CLSTN1: variants seen among roughly 807,000 people sequenced by gnomAD.
CLSTN1 encodes the protein calsyntenin 1.
In CLSTN1, 28 loss-of-function variants were observed where a neutral mutation model predicts 108.3. The ratio of observed to expected loss-of-function variants is 0.26; its 90% CI spans 0.19 to 0.35. The LOEUF (loss-of-function observed/expected upper bound fraction) is 0.35. Ranked by LOEUF, CLSTN1 falls within the 10% of genes least tolerant of loss-of-function variation. The pLI is 1.00. For missense variants in CLSTN1, 1,157 were observed against 1,302.6 expected (o/e 0.89, Z 1.72); for synonymous variants, 524 against 534.9 (o/e 0.98, Z 0.28).
rs555700908 is a variant in CLSTN1 at position 9,744,629 on chromosome 1, T to C, written c.1000A>G (p.Thr334Ala). 5.0e-6 allele frequency: 8 copies of C among 1,610,626 alleles called. No homozygotes were observed. The East Asian group carries it at 1.6e-4, about 31-fold the overall frequency. ...LHRLCGAAAG[T>A]AELLPSPSGS... The stretch of plus-strand genomic sequence containing the variant: ...CTCGGGGATGGCAGCAGCTCGGCAG[T>C]GCCCGCGGCCGCACCTGAAGCCACA... Residue 334 changes from threonine to alanine, a missense_variant, in exon 8 of 19, where the codon ACT becomes GCT. Transcript: ENST00000377298.
intron 2 of CLSTN1, among the ~76,000 whole-genome samples, chr1:9,767,544 C>CA (rs764744601): frequency 0.22 from 23,300 of 107,584 alleles, 2,811 homozygotes; most frequent in African/African-American, 0.38. Flanking sequence ...GACTCCATCT[C>CA]AAAAAAAAAA....
At chr1:9,810,246 C>A (rs1654693414) in intron 1 of CLSTN1, among the ~76,000 whole-genome samples, 1 of 148,234 alleles carries the variant, frequency 6.7e-6, no homozygotes. Flanking sequence ...GAGGCCGAGG[C>A]AGGTGGATCA....
chr1:9,777,885 G>A (rs904810169), intron 1 of CLSTN1, among the ~76,000 whole-genome samples: 2 of 152,088 alleles, frequency 1.3e-5, no homozygotes, highest in Non-Finnish European at 2.9e-5. Flanking sequence ...GGGTTTCAGG[G>A]ACTCAGTATC....
chr1:9,764,106 A>AAGAGAG (rs772208381), intron 2 of CLSTN1, among the ~76,000 whole-genome samples: 18 of 120,818 alleles, frequency 1.5e-4, no homozygotes, highest in Middle Eastern at 7.5e-3. Context: ...GGGAGAAAGA[A>AAGAGAG]AGAGAGAGAG....
At chr1:9,752,984 G>C (rs753913131) in intron 4 of CLSTN1, among the ~76,000 whole-genome samples, 1 of 152,182 alleles carries the variant, frequency 6.6e-6, no homozygotes, top group Non-Finnish European at 1.5e-5. Flanking sequence ...CTCTAGAAAA[G>C]ACTAGAGCTT....
At chr1:9,777,112 C>T (rs1436320471) in intron 1 of CLSTN1, among the ~76,000 whole-genome samples, 3 of 149,912 alleles carry the variant, frequency 2.0e-5, no homozygotes, top group South Asian at 4.3e-4. Context: ...CCCAGCTTCT[C>T]GGGCGGCTGA....
At chr1:9,769,595 C>T (rs1652565295) in intron 2 of CLSTN1, among the ~76,000 whole-genome samples, 1 of 152,094 alleles carries the variant, frequency 6.6e-6, no homozygotes, top group South Asian at 2.1e-4. Context: ...GTAGTGGTAG[C>T]CAGGGCTTGG....
intron 11 of CLSTN1, 133 bp downstream of exon 11, chr1:9,737,365 G>C: frequency 1.3e-6 from 1 of 784,342 alleles, no homozygotes; most frequent in Non-Finnish European, 2.3e-6. Context: ...ATGGGGAAGC[G>C]CAATGCAGGG....
At chr1:9,755,062 G>T in intron 4 of CLSTN1, 52 bp downstream of exon 4, 1 of 1,516,054 alleles carries the variant, frequency 6.6e-7, no homozygotes, top group Non-Finnish European at 9.0e-7. Context: ...TTCGTTCTGC[G>T]CACACACGTT....
chr1:9,823,190 C>T lies in CLSTN1; in HGVS notation c.91+453G>A, dbSNP rs1461382738. Among the ~76,000 whole-genome samples the T allele has an allele frequency of 6.6e-6, 1 of 152,220 alleles. No homozygotes were observed. Among genetic ancestry groups the T allele is most frequent in the Non-Finnish European group, 1.5e-5 (1 of 68,034 alleles). ...ACACCAAAACTGTGCGTGCACCCCCCGCCTGATGCACATCTGAGCACACGT... is the reference window on the plus strand; with the variant it reads ...ACACCAAAACTGTGCGTGCACCCCCTGCCTGATGCACATCTGAGCACACGT... On this transcript the variant is annotated intron_variant, in intron 1 of 18. Transcript: ENST00000377298. This position sits in a 1 kb window ranked among gnomAD's most constrained non-coding sequence, Gnocchi z 6.3.
chr1:9,751,488 T>C lies in CLSTN1; in HGVS notation c.634A>G (p.Thr212Ala), dbSNP rs759917625. ...YEIITPDVPF[T>A]VDKDGYIKNT... ...CGATTCTTACCATCTTTGTCAACAG[T>C]AAAGGGCACGTCTGGAGTGATGATT... Residue 212 changes from threonine to alanine, a missense_variant, in exon 5 of 19, where the codon ACT (threonine) becomes GCT (alanine). Thr to Ala is a moderately conservative substitution (Grantham distance 58). Coordinates refer to ENST00000377298, the MANE Select transcript of CLSTN1 (RefSeq NM_001009566.3). 5.0e-6 allele frequency: 8 copies of C among 1,614,058 alleles called. No homozygotes were observed. In the Admixed American group the frequency reaches 1.3e-4, roughly 27 times the overall value.
intron 9 of CLSTN1, among the ~76,000 whole-genome samples, chr1:9,742,832 C>T (rs895080265): frequency 3.3e-5 from 5 of 151,756 alleles, no homozygotes; most frequent in Admixed American, 6.6e-5. Context: ...CGCTTGAACC[C>T]GGGAGGTGGA....
At chr1:9,735,787 G>A (rs879597698) in intron 12 of CLSTN1, 98 bp downstream of exon 12, 21 of 1,514,988 alleles carry the variant, frequency 1.4e-5, no homozygotes, top group East Asian at 6.8e-5. Context: ...AACAGTAAAC[G>A]TATCAATCAC....
At chr1:9,781,293 G>A (rs2101189452) in intron 1 of CLSTN1, 1 of 678,888 alleles carries the variant, frequency 1.5e-6, no homozygotes, top group South Asian at 1.8e-5. Flanking sequence ...AGGATTTAAA[G>A]ATTGCACTGT....
At chr1:9,773,943 T>C (rs1372498185) in intron 1 of CLSTN1, among the ~76,000 whole-genome samples, 7 of 152,080 alleles carry the variant, frequency 4.6e-5, no homozygotes, top group Admixed American at 3.3e-4. Flanking sequence ...GGTTTCACCA[T>C]GTTGCCCAGG....
chr1:9,750,156 A>T, intron 5 of CLSTN1: 2 of 423,508 alleles, frequency 4.7e-6, no homozygotes, highest in South Asian at 3.3e-5. Context: ...ACTTACTCTC[A>T]CAGTGTTACA....
chr1:9,777,430 G>GGA (rs1240684551), intron 1 of CLSTN1, among the ~76,000 whole-genome samples: 1 of 151,544 alleles, frequency 6.6e-6, no homozygotes, highest in Non-Finnish European at 1.5e-5. Context: ...GGCTGAGGCA[G>GGA]GAGAATCACT....
At chr1:9,750,868 T>G (rs1232274028) in intron 5 of CLSTN1, among the ~76,000 whole-genome samples, 1 of 151,946 alleles carries the variant, frequency 6.6e-6, no homozygotes, top group African/African-American at 2.4e-5. Flanking sequence ...CTGGCCAACA[T>G]GGTGAAACCC....
chr1:9,785,260 A>C (rs1019277666), intron 1 of CLSTN1, among the ~76,000 whole-genome samples: 1 of 152,032 alleles, frequency 6.6e-6, no homozygotes, highest in African/African-American at 2.4e-5. Flanking sequence ...CGCCTGCCTC[A>C]GTCTCCCAAA....
Sources: gnomAD v4.1 joint callset for allele counts (sites outside exome capture counted in the v4.1 genomes callset) on GRCh38, gnomAD v4.1.1 for gene constraint, Gnocchi (gnomAD v3.1) non-coding constraint, MANE v1.5 for transcripts, NCBI Gene and HGNC (gene_info 2026-07-23, HGNC 2026-07-21) for gene names.